Variants in CEP164 observed in about 807,000 individuals in gnomAD.
CEP164 encodes the protein centrosomal protein 164.
CEP164 carries 162 observed loss-of-function variants against 182.7 expected under a neutral mutation model. The ratio of observed to expected loss-of-function variants is 0.89; its 90% confidence interval spans 0.78 to 1.01. The LOEUF (loss-of-function observed/expected upper bound fraction) is 1.01, where lower values mean the gene tolerates loss of function less well. CEP164 is among the 50% of genes least tolerant of loss of function. The pLI is 0.00. For synonymous variants in CEP164, 661 were observed against 690.0 expected, an observed-to-expected ratio of 0.96 and a Z score of 0.66; for missense variants, 1,735 against 1,790.4, an observed-to-expected ratio of 0.97 and a Z score of 0.56.
chr11:117,408,647 T>C (rs2046979546), intron 28 of CEP164: 1 of 513,984 alleles, frequency 1.9e-6, no homozygotes, highest in East Asian at 3.4e-5. Flanking sequence ...ACTCACCAAG[T>C]CCTCAGTTCC....
At chr11:117,356,007 GCAGCAGCAGCAGCAA>G (rs1339862274) in intron 5 of CEP164, 1 of 1,137,274 alleles carries the variant, frequency 8.8e-7, no homozygotes, top group African/African-American at 1.6e-5. Flanking sequence ...GAGAGCAGCA[GCAGCAGCAGCAGCAA>G]CAGCAACCTG....
Position 117,392,604 on chromosome 11 carries a change from C to T in CEP164, c.2470C>T (p.His824Tyr), listed in dbSNP as rs1353401192. Residue 824 changes from histidine (H) to tyrosine (Y), a missense_variant, in exon 19 of 33, where the codon CAC (histidine) becomes TAC (tyrosine). By Grantham distance (83) the His-to-Tyr change is moderately conservative (BLOSUM62 2). Transcript: ENST00000278935. ...VEHRVHQKSY[H>Y]VAGYEHELSS... Reference sequence around the variant, plus strand: ...GCACAGAGTTCACCAGAAGTCTTATCACGTGGCTGGGTATGAGCACGAGGT... The same window carrying T: ...GCACAGAGTTCACCAGAAGTCTTATTACGTGGCTGGGTATGAGCACGAGGT... The T allele has an allele frequency of 6.2e-7, 1 of 1,614,000 alleles. No homozygotes were observed. Among genetic ancestry groups the T allele is most frequent in the African/African-American group, 1.3e-5 (1 of 74,940 alleles).
At chr11:117,403,398 T>C (rs2046353927) in intron 27 of CEP164, among the ~76,000 whole-genome samples, 1 of 152,206 alleles carries the variant, frequency 6.6e-6, no homozygotes, top group South Asian at 2.1e-4. Flanking sequence ...TGCTTGTCTG[T>C]ATGGATTTTA....
In CEP164 at chr11:117,396,138, G is replaced by A. The variant is rs757676430; in HGVS notation, c.3174G>A (p.Glu1058=). 2.6e-6 allele frequency: 4 copies of A among 1,510,148 alleles called. No individual in the cohort carries two copies. The highest frequency in any genetic ancestry group is 2.2e-5 in the South Asian group (2 of 89,844). The allele number at this position is 1,510,148 out of a possible 1,614,324, so 93.5% of individuals were successfully genotyped here. The change falls in exon 25 of 33, where the codon GAG becomes GAA. Residue 1058 remains glutamate (E), a synonymous_variant. Transcript: ENST00000278935. ...VEENNASPHF[E]PDLHIEDLRK... is the part of the protein sequence containing the mutation. ...AAAATAATGCTTCCCCACATTTTGA[G>A]CCAGATCTCCATATTGAGGACCTGA...
At chr11:117,396,504 T>TCTTGAAC (rs2045486748) in intron 25 of CEP164, 46 bp from the exon 26 acceptor site, 1 of 1,522,436 alleles carries the variant, frequency 6.6e-7, no homozygotes. Flanking sequence ...CTGCAGGGTG[T>TCTTGAAC]CTGCTTTTGC....
intron 27 of CEP164, among the ~76,000 whole-genome samples, chr11:117,397,630 G>T (rs185899006): frequency 4.3e-4 from 66 of 152,326 alleles, no homozygotes; most frequent in African/African-American, 1.6e-3. Context: ...AATCATGGCA[G>T]GAGGCGAAAG....
intron 1 of CEP164, among the ~76,000 whole-genome samples, chr11:117,332,266 A>G (rs1036090235): frequency 6.6e-6 from 1 of 152,098 alleles, no homozygotes; most frequent in Non-Finnish European, 1.5e-5. Context: ...AGGTAAGAAG[A>G]CACATTTTCA....
intron 9 of CEP164, among the ~76,000 whole-genome samples, chr11:117,371,929 C>CAGG (rs2042240112): frequency 6.6e-6 from 1 of 151,282 alleles, no homozygotes; most frequent in South Asian, 2.1e-4. Context: ...CATCATAGTT[C>CAGG]AGGGTGCTTT....
chr11:117,392,634 GCTGCT>G lies in CEP164; in HGVS notation c.2493+11_2493+15del. On this transcript the variant is annotated splice_region_variant and intron_variant, in intron 19 of 32. Coordinates refer to ENST00000278935, the MANE Select transcript of CEP164 (RefSeq NM_014956.5). ...GGCTGGGTATGAGCACGAGGTGAGT[GCTGCT>G]CTGTCTTCCACAGTCGTGTGCGCCT... 1.2e-6 allele frequency: 2 copies of G among 1,613,384 alleles called. No individual in the cohort carries two copies. The highest frequency in any genetic ancestry group is 8.5e-7 in the Non-Finnish European group (1 of 1,179,656).
intron 11 of CEP164, among the ~76,000 whole-genome samples, chr11:117,379,041 G>A (rs2043039895): frequency 1.3e-5 from 2 of 152,186 alleles, no homozygotes; most frequent in Admixed American, 1.3e-4. Context: ...GGAGATATTT[G>A]ATGAGCATGG....
chr11:117,410,044 CCTG>C (rs1243864225), intron 30 of CEP164, 79 bp downstream of exon 30: 3 of 1,326,590 alleles, frequency 2.3e-6, no homozygotes, highest in Non-Finnish European at 3.2e-6. Context: ...CCCTCTTTCT[CCTG>C]CTCCTTTTCT....
chr11:117,380,885 A>T (rs745600693), intron 12 of CEP164, among the ~76,000 whole-genome samples, 180 bp downstream of exon 12: 68 of 152,304 alleles, frequency 4.5e-4, no homozygotes, highest in Non-Finnish European at 8.1e-4. Flanking sequence ...ATGTGTGTGC[A>T]CGTGTGTGTA....
At chr11:117,401,464 G>A (rs2046125044) in intron 27 of CEP164, among the ~76,000 whole-genome samples, 1 of 152,188 alleles carries the variant, frequency 6.6e-6, no homozygotes, top group Admixed American at 6.5e-5. Context: ...TCTCTGCCAG[G>A]TTTTGGTATC....
intron 28 of CEP164, 99 bp from the exon 29 acceptor site, chr11:117,408,790 AG>A: frequency 2.1e-6 from 3 of 1,460,782 alleles, no homozygotes; most frequent in Non-Finnish European, 2.8e-6. Context: ...AACATAAAGA[AG>A]AACCTAGCTC....
intron 8 of CEP164, among the ~76,000 whole-genome samples, chr11:117,370,812 G>A (rs979735255): frequency 3.3e-5 from 5 of 152,174 alleles, no homozygotes; most frequent in Non-Finnish European, 5.9e-5. Context: ...TGGGGAGGCT[G>A]AGGGACGAGA....
chr11:117,395,552 C>T lies in CEP164; in HGVS notation c.2919C>T (p.Ala973=). 1 of 1,609,744 alleles carries T rather than the reference C, an allele frequency of 6.2e-7. No individual in the cohort carries two copies. Among genetic ancestry groups the T allele is most frequent in the Non-Finnish European group, 8.5e-7 (1 of 1,177,982 alleles). Residue 973 remains alanine (A), a synonymous_variant, in exon 24 of 33, where the codon GCC becomes GCT. Transcript: ENST00000278935. Reference sequence around the variant, plus strand: ...ATCTTTCCTTTTGCCCCTAGGAAGCCACAGCCACCCATCAGCAGCTGGAGG... The same window carrying T: ...ATCTTTCCTTTTGCCCCTAGGAAGCTACAGCCACCCATCAGCAGCTGGAGG... ...QRQVALKSEE[A]TATHQQLEEA...
Position 117,411,777 on chromosome 11 carries a change from T to C in CEP164, c.4164-18T>C, listed in dbSNP as rs1330359301. 2 of 1,613,868 alleles carry C rather than the reference T, an allele frequency of 1.2e-6. No homozygotes were observed. The highest frequency in any genetic ancestry group is 3.3e-5 in the Admixed American group (2 of 60,016). On this transcript the variant is annotated intron_variant, in intron 31 of 32. Transcript: ENST00000278935. This position sits in a 1 kb window ranked among gnomAD's most constrained non-coding sequence, Gnocchi z 4.4. ...CGCCTCCTCTCTCCCCTCGCCATGC[T>C]CTCCTCTTCCTTCCCAGTGAGCAGC...
In CEP164 at chr11:117,363,458, G is replaced by A. The variant is rs1335434297; in HGVS notation, c.717G>A (p.Arg239=). The A allele has an allele frequency of 2.1e-5, 34 of 1,613,896 alleles. No homozygotes were observed. The highest frequency in any genetic ancestry group is 2.7e-5 in the Non-Finnish European group (32 of 1,179,938). ...TCCACAGCTCAAGTGAGCCTCTTAGGAACCTACACCTGGACATTGGGGCAC... is the reference window on the plus strand; with the variant it reads ...TCCACAGCTCAAGTGAGCCTCTTAGAAACCTACACCTGGACATTGGGGCAC... The part of the protein sequence containing the change: ...QSVHSSSEPL[R]NLHLDIGALG... The change falls in exon 8 of 33, where the codon AGG becomes AGA. Residue 239 remains arginine (R), a synonymous_variant. Transcript: ENST00000278935.
chr11:117,395,820 G>C, intron 24 of CEP164, 98 bp downstream of exon 24: 2 of 1,411,800 alleles, frequency 1.4e-6, no homozygotes, highest in South Asian at 1.4e-5. Context: ...GGGAGAGGTG[G>C]AGTCCCAGCT....
Sources: allele counts gnomAD v4.1 joint callset (sites outside exome capture counted in the v4.1 genomes callset), GRCh38; gene constraint gnomAD v4.1.1; non-coding constraint Gnocchi (gnomAD v3.1); transcripts MANE v1.5; gene names NCBI Gene and HGNC (gene_info 2026-07-23, HGNC 2026-07-21).